HYCC1: variants seen among roughly 807,000 people sequenced by gnomAD.
The protein encoded by HYCC1 is hyccin PI4KA lipid kinase complex subunit 1.
the HYCC1 span, among the ~76,000 whole-genome samples, chr7:22,909,588 G>A: frequency 6.6e-6 from 1 of 152,154 alleles, no homozygotes; most frequent in Non-Finnish European, 1.5e-5. Context: ...AGTGAGTTCT[G>A]TGAATCCTTC....
the HYCC1 span, among the ~76,000 whole-genome samples, chr7:22,912,178 G>T: frequency 6.6e-6 from 1 of 152,114 alleles, no homozygotes; most frequent in African/African-American, 2.4e-5. Context: ...AAAGCATACA[G>T]CAAATGAAGA....
chr7:22,955,772 T>C, the HYCC1 span, among the ~76,000 whole-genome samples: 1 of 151,758 alleles, frequency 6.6e-6, no homozygotes, highest in East Asian at 1.9e-4. Flanking sequence ...ACTAGAATAC[T>C]GGAGTGGTAG....
the HYCC1 span, among the ~76,000 whole-genome samples, chr7:22,912,158 G>C: frequency 2.0e-5 from 3 of 152,146 alleles, no homozygotes; most frequent in East Asian, 5.8e-4. Context: ...AAAGTCTCTG[G>C]AAATTCTCCA....
chr7:23,002,085 C>G, the HYCC1 span, among the ~76,000 whole-genome samples: 4 of 145,864 alleles, frequency 2.7e-5, no homozygotes, highest in East Asian at 7.9e-4. Flanking sequence ...CACAGCACTA[C>G]TTGATATACA....
the HYCC1 span, chr7:22,977,245 A>T: frequency 1.3e-6 from 1 of 798,448 alleles, no homozygotes; most frequent in Non-Finnish European, 2.2e-6. Context: ...AGGTACTAAT[A>T]AATTGATCAA....
chr7:22,948,785 G>C, the HYCC1 span, among the ~76,000 whole-genome samples: 1 of 151,988 alleles, frequency 6.6e-6, no homozygotes, highest in East Asian at 1.9e-4. Context: ...TTCCTAGATA[G>C]GCTGAAGAAT....
At chr7:22,937,551 C>T in the HYCC1 span, 2 of 152,088 alleles carry the variant, frequency 1.3e-5, no homozygotes, top group African/African-American at 4.8e-5. Context: ...AGCTTTACAA[C>T]CTTCATTTTC....
the HYCC1 span, among the ~76,000 whole-genome samples, chr7:22,924,369 C>T: frequency 3.3e-5 from 5 of 151,992 alleles, no homozygotes; most frequent in African/African-American, 4.8e-5. Context: ...GTGTGTGAGC[C>T]GAAGCAGGGC....
chr7:22,968,934 T>C, the HYCC1 span, among the ~76,000 whole-genome samples: 1 of 151,708 alleles, frequency 6.6e-6, no homozygotes, highest in African/African-American at 2.4e-5. Context: ...TGCAATGAGC[T>C]GGGATCACGC....
At chr7:22,981,830 T>C in the HYCC1 span, among the ~76,000 whole-genome samples, 1 of 152,212 alleles carries the variant, frequency 6.6e-6, no homozygotes, top group African/African-American at 2.4e-5. Context: ...GAGTTCATGT[T>C]AGTCATGTAT....
At chr7:22,915,687 G>A in the HYCC1 span, among the ~76,000 whole-genome samples, 1 of 152,126 alleles carries the variant, frequency 6.6e-6, no homozygotes, top group African/African-American at 2.4e-5. Context: ...TTAATACGGA[G>A]GCTACCTACT....
chr7:22,928,116 C>A, the HYCC1 span, among the ~76,000 whole-genome samples: 1 of 152,074 alleles, frequency 6.6e-6, no homozygotes, highest in Non-Finnish European at 1.5e-5. Flanking sequence ...GCAGAAAAGG[C>A]CTTTGACAAA....
the HYCC1 span, among the ~76,000 whole-genome samples, chr7:22,982,951 A>C: frequency 6.6e-6 from 1 of 151,822 alleles, no homozygotes; most frequent in Non-Finnish European, 1.5e-5. Flanking sequence ...TCCTATTTCC[A>C]ATTTTTTTTC....
At chr7:22,949,976 C>T in the HYCC1 span, among the ~76,000 whole-genome samples, 1 of 151,970 alleles carries the variant, frequency 6.6e-6, no homozygotes, top group African/African-American at 2.4e-5. Context: ...CTAGAAAGAA[C>T]AGAAACATAA....
At chr7:22,900,050 CAG>C in the HYCC1 span, among the ~76,000 whole-genome samples, 3 of 152,224 alleles carry the variant, frequency 2.0e-5, no homozygotes, top group East Asian at 3.9e-4. Context: ...CAGTTTTGCA[CAG>C]ACTTTCAAAA....
the HYCC1 span, among the ~76,000 whole-genome samples, chr7:22,910,787 G>A: frequency 6.6e-6 from 1 of 151,106 alleles, no homozygotes; most frequent in East Asian, 1.9e-4. Context: ...TTTTTTTGGG[G>A]GGGCAACTAA....
chr7:23,009,495 T>C, the HYCC1 span, among the ~76,000 whole-genome samples: 6 of 152,118 alleles, frequency 3.9e-5, no homozygotes, highest in Non-Finnish European at 7.4e-5. Context: ...TCCTCTCTAT[T>C]TATGACCAAG....
chr7:22,920,689 T>C, the HYCC1 span, among the ~76,000 whole-genome samples: 8 of 152,142 alleles, frequency 5.3e-5, no homozygotes, highest in African/African-American at 1.4e-4. Flanking sequence ...ACAAAAAGTA[T>C]GGGTAAAGGT....
chr7:22,933,016 C>T, the HYCC1 span, among the ~76,000 whole-genome samples: 1 of 152,144 alleles, frequency 6.6e-6, no homozygotes, highest in African/African-American at 2.4e-5. Context: ...CAAGCCAAGA[C>T]CTGCCAGGAA....
Sources: allele counts gnomAD v4.1 joint callset (sites outside exome capture counted in the v4.1 genomes callset), GRCh38; gene constraint gnomAD v4.1.1; transcripts MANE v1.5; gene names NCBI Gene and HGNC (gene_info 2026-07-23, HGNC 2026-07-21).